SEMA5A: variants seen among roughly 807,000 people sequenced by gnomAD.
SEMA5A encodes the protein semaphorin-5A.
Under a neutral mutation model 135.5 loss-of-function variants are expected in SEMA5A, and 55 were observed. The observed-to-expected ratio is 0.41, with a 90% CI of 0.33 to 0.51. The LOEUF is 0.51. Ranked by LOEUF, SEMA5A falls within the 20% of genes least tolerant of loss-of-function variation. The pLI, the probability that SEMA5A is intolerant of heterozygous loss-of-function variation, is 0.37. For synonymous variants in SEMA5A, 580 were observed against 546.5 expected (o/e 1.06, Z -0.85); for missense variants, 1,290 against 1,419.9 (o/e 0.91, Z 1.47).
At chr5:9,272,830 A>T (rs10075425) in intron 5 of SEMA5A, among the ~76,000 whole-genome samples, 1,567 of 152,318 alleles carry the variant, frequency 0.01, 21 homozygotes, top group African/African-American at 0.032. Flanking sequence ...AACCAAAAGG[A>T]TGCCCACTCA....
chr5:9,398,637 C>T (rs1756512297), intron 2 of SEMA5A, among the ~76,000 whole-genome samples: 1 of 152,214 alleles, frequency 6.6e-6, no homozygotes, highest in African/African-American at 2.4e-5. Context: ...GGTACCAAGC[C>T]CTTCTGCCCT....
chr5:9,089,018 A>T (rs184899309), intron 16 of SEMA5A, among the ~76,000 whole-genome samples: 21 of 152,252 alleles, frequency 1.4e-4, no homozygotes, highest in African/African-American at 5.1e-4. Context: ...ATTTACCTGA[A>T]AACACTACTC....
At chr5:9,068,710 T>G (rs557873009) in intron 16 of SEMA5A, among the ~76,000 whole-genome samples, 1 of 152,268 alleles carries the variant, frequency 6.6e-6, no homozygotes, top group African/African-American at 2.4e-5. Context: ...AAAATGGGGC[T>G]GTGGATTCCT....
rs148706241 is a variant in SEMA5A at position 9,444,774 on chromosome 5, A to G, written c.-174-6922T>C. 3.3e-3 allele frequency among the ~76,000 whole-genome samples: 500 copies of G among 152,350 alleles called. 4 individuals are homozygous for G. The highest frequency in any genetic ancestry group is 0.011 in the African/African-American group (475 of 41,584). On this transcript the variant is annotated intron_variant, in intron 1 of 22. Coordinates refer to ENST00000382496, the MANE Select transcript of SEMA5A (RefSeq NM_003966.3). ...ATGTCTAAATGCTGAGAGCGGAGTTAGAAAGAGATGGGATATAGTGGGCCC... is the reference window on the plus strand; with the variant it reads ...ATGTCTAAATGCTGAGAGCGGAGTTGGAAAGAGATGGGATATAGTGGGCCC...
intron 1 of SEMA5A, among the ~76,000 whole-genome samples, chr5:9,457,900 CTTTTTTTT>C (rs70943966): frequency 1.4e-5 from 1 of 70,162 alleles, no homozygotes; most frequent in Non-Finnish European, 2.5e-5. Context: ...AGCATCTCTC[CTTTTTTTT>C]TTTTTTTTTT....
rs748203496 is a variant in SEMA5A at position 9,146,418 on chromosome 5, CTCAA to C, written c.1481+8066_1481+8069del. On this transcript the variant is annotated intron_variant, in intron 12 of 22. Transcript: ENST00000382496. ...GTGTCGCTTAATGGCTTCAGAATAA[CTCAA>C]TCAGAGAACAATCGTTGAAAGGATG... 8.5e-5 allele frequency among the ~76,000 whole-genome samples: 13 copies of C among 152,154 alleles called. No homozygotes were observed. In the East Asian group the frequency reaches 1.9e-3, roughly 23 times the overall value.
At chr5:9,490,777 G>T (rs1561294701) in intron 1 of SEMA5A, among the ~76,000 whole-genome samples, 1 of 152,216 alleles carries the variant, frequency 6.6e-6, no homozygotes, top group Non-Finnish European at 1.5e-5. Context: ...CCCAGGGGAA[G>T]AGTGTCCTGG....
intron 5 of SEMA5A, among the ~76,000 whole-genome samples, chr5:9,293,741 C>T (rs1399944766): frequency 3.3e-5 from 5 of 152,116 alleles, no homozygotes; most frequent in Non-Finnish European, 7.4e-5. Context: ...TAATTTAGCC[C>T]TATGTCCAGT....
intron 1 of SEMA5A, among the ~76,000 whole-genome samples, chr5:9,490,114 A>G (rs185672468): frequency 2.0e-5 from 3 of 152,308 alleles, no homozygotes; most frequent in Admixed American, 2.0e-4. Flanking sequence ...AAAATGTCTG[A>G]GCAAATTTCA....
chr5:9,336,834 G>C (rs779543334), intron 4 of SEMA5A, among the ~76,000 whole-genome samples: 2 of 152,106 alleles, frequency 1.3e-5, no homozygotes, highest in Non-Finnish European at 2.9e-5. Context: ...GCTATGGCAG[G>C]CATGCTTTAT....
At chr5:9,409,908 C>G (rs2126599963) in intron 2 of SEMA5A, among the ~76,000 whole-genome samples, 1 of 148,268 alleles carries the variant, frequency 6.7e-6, no homozygotes, top group Middle Eastern at 3.6e-3. Context: ...CCCCACCGTT[C>G]TCTGGTTTCA....
Position 9,138,212 on chromosome 5 carries a change from A to G in SEMA5A, c.1482-1591T>C, listed in dbSNP as rs1231377743. On this transcript the variant is annotated intron_variant, in intron 12 of 22. Coordinates refer to ENST00000382496, the MANE Select transcript of SEMA5A (RefSeq NM_003966.3). ...CCATATGCAGACATGACTTCCATTCAAAAATACAAACAAGGCAGTTATAAA... is the reference window on the plus strand; with the variant it reads ...CCATATGCAGACATGACTTCCATTCGAAAATACAAACAAGGCAGTTATAAA... Among the ~76,000 whole-genome samples the G allele has an allele frequency of 2.0e-5, 3 of 152,338 alleles. No individual in the cohort carries two copies. In the East Asian group the frequency reaches 5.8e-4, roughly 29 times the overall value.
At chr5:9,338,652 G>C (rs1561162247) in intron 3 of SEMA5A, among the ~76,000 whole-genome samples, 1 of 152,134 alleles carries the variant, frequency 6.6e-6, no homozygotes, top group Non-Finnish European at 1.5e-5. Flanking sequence ...ACATCTGATT[G>C]TCGTTTTTTC....
At chr5:9,219,174 C>T (rs1579639940) in intron 8 of SEMA5A, among the ~76,000 whole-genome samples, 1 of 152,204 alleles carries the variant, frequency 6.6e-6, no homozygotes, top group Admixed American at 6.5e-5. Context: ...ATATTACTGG[C>T]TATTCTGTGG....
intron 5 of SEMA5A, among the ~76,000 whole-genome samples, chr5:9,286,989 G>C (rs560106597): frequency 6.6e-6 from 1 of 152,288 alleles, no homozygotes; most frequent in African/African-American, 2.4e-5. Context: ...AGCAAATGCT[G>C]TCCGTCACTG....
At chr5:9,097,711 T>C (rs527438464) in intron 16 of SEMA5A, among the ~76,000 whole-genome samples, 2 of 151,950 alleles carry the variant, frequency 1.3e-5, no homozygotes, top group Admixed American at 6.5e-5. Flanking sequence ...CACTCAGTCA[T>C]GGCCCAAGTG....
chr5:9,426,622 C>T (rs268486), intron 2 of SEMA5A, among the ~76,000 whole-genome samples: 36,141 of 151,890 alleles, frequency 0.24, 5,200 homozygotes, highest in African/African-American at 0.4. Flanking sequence ...ATTCTTTCTA[C>T]ACTTGGGGAA....
chr5:9,329,671 A>G (rs1239050581), intron 4 of SEMA5A, among the ~76,000 whole-genome samples: 1 of 152,258 alleles, frequency 6.6e-6, no homozygotes, highest in Non-Finnish European at 1.5e-5. Flanking sequence ...CAAATAAGTT[A>G]TTCAATTATT....
intron 9 of SEMA5A, among the ~76,000 whole-genome samples, chr5:9,199,647 A>T (rs540804361): frequency 6.6e-6 from 1 of 152,302 alleles, no homozygotes; most frequent in African/African-American, 2.4e-5. Flanking sequence ...ATAACTTACA[A>T]GAGCAATAAA....
Sources: allele counts gnomAD v4.1 joint callset (sites outside exome capture counted in the v4.1 genomes callset), GRCh38; gene constraint gnomAD v4.1.1; transcripts MANE v1.5; gene names NCBI Gene and HGNC (gene_info 2026-07-23, HGNC 2026-07-21).